TAPT1: variants seen among roughly 807,000 people sequenced by gnomAD.
TAPT1 encodes the protein transmembrane anterior posterior transformation protein 1 homolog.
Under a neutral mutation model 65.6 loss-of-function variants are expected in TAPT1, and 28 were observed. The ratio of observed to expected loss-of-function variants is 0.43; its 90% CI spans 0.32 to 0.59. The LOEUF (loss-of-function observed/expected upper bound fraction) is 0.59. Ranked by LOEUF, TAPT1 falls within the 20% of genes least tolerant of loss-of-function variation. The pLI is 0.09. For missense variants in TAPT1, 563 were observed against 679.9 expected (o/e 0.83, Z 1.91); for synonymous variants, 278 against 245.2 (o/e 1.13, Z -1.25).
At chr4:16,205,826 A>G (rs182226076) in intron 2 of TAPT1, among the ~76,000 whole-genome samples, 3 of 152,314 alleles carry the variant, frequency 2.0e-5, no homozygotes, top group Admixed American at 6.5e-5. Flanking sequence ...CGTTCAGTTC[A>G]TTGCTAAGGA....
rs1748142196 is a variant in TAPT1, at chr4:16,173,577, A to G, written c.1236+627T>C. ...AAAAAATACATACTTCTTGGGTATA[A>G]AAGCAGGAATTTTCATTGCAAAAAG... is the stretch of plus-strand genomic sequence containing the variant. On this transcript the variant is annotated intron_variant, in intron 11 of 13. Transcript: ENST00000405303. Among the ~76,000 whole-genome samples, 3 of 152,298 alleles carry G rather than the reference A, an allele frequency of 2.0e-5. No individual in the cohort carries two copies. The South Asian group carries it at 6.2e-4, about 32-fold the overall frequency.
chr4:16,220,606 G>C (rs377123158), intron 1 of TAPT1, among the ~76,000 whole-genome samples: 1 of 152,012 alleles, frequency 6.6e-6, no homozygotes, highest in African/African-American at 2.4e-5. Flanking sequence ...AAAATTTGCT[G>C]GGCATGGTGG....
intron 11 of TAPT1, 58 bp downstream of exon 11, chr4:16,174,146 T>C: frequency 3.2e-6 from 4 of 1,246,898 alleles, no homozygotes; most frequent in Non-Finnish European, 4.5e-6. Flanking sequence ...ATCCATTTAT[T>C]AATATTCTAT....
intron 7 of TAPT1, among the ~76,000 whole-genome samples, chr4:16,182,350 G>C (rs1328163630): frequency 2.0e-5 from 3 of 152,102 alleles, no homozygotes; most frequent in Non-Finnish European, 4.4e-5. Context: ...TCAGGGTTCG[G>C]ATTAGAACTG....
chr4:16,206,049 T>C (rs77913859), intron 2 of TAPT1, among the ~76,000 whole-genome samples: 2,210 of 152,258 alleles, frequency 0.015, 44 homozygotes, highest in African/African-American at 0.051. Flanking sequence ...AGGATATCAA[T>C]AAGAAAACTA....
intron 5 of TAPT1, 78 bp from the exon 6 acceptor site, chr4:16,186,956 T>C: frequency 1.3e-6 from 1 of 750,454 alleles, no homozygotes; most frequent in South Asian, 1.7e-5. Context: ...TGAAAGTGAA[T>C]AATAAAGATG....
At chr4:16,166,544 A>C in intron 13 of TAPT1, 89 bp downstream of exon 13, 1 of 1,510,576 alleles carries the variant, frequency 6.6e-7, no homozygotes, top group Non-Finnish European at 9.1e-7. Flanking sequence ...AAGGGAAACC[A>C]ATCTTTAAAG....
rs969446483 is a variant in TAPT1 at position 16,162,015 on chromosome 4, G to A, written c.*1293C>T. The A allele has an allele frequency of 6.6e-6, 1 of 152,140 alleles. No homozygotes were observed. Among genetic ancestry groups the A allele is most frequent in the South Asian group, 2.1e-4 (1 of 4,832 alleles). The allele number at this position is 152,140 out of a possible 1,614,324, so 9.4% of individuals were successfully genotyped here. On this transcript the variant is annotated 3_prime_UTR_variant, in exon 14 of 14. Transcript: ENST00000405303. ...CGGTTGTCAAGATAAAATGGGGTGGGAAATAACTTCTATGATATAGACCAC... is the reference window on the plus strand; with the variant it reads ...CGGTTGTCAAGATAAAATGGGGTGGAAAATAACTTCTATGATATAGACCAC...
chr4:16,202,104 C>T (rs184084530), intron 3 of TAPT1, among the ~76,000 whole-genome samples: 12 of 152,172 alleles, frequency 7.9e-5, no homozygotes, highest in African/African-American at 1.7e-4. Context: ...ATGATGCCTA[C>T]GAGGCCCAAG....
intron 7 of TAPT1, 145 bp from the exon 8 acceptor site, chr4:16,179,802 ATGTGTGTGTG>A (rs56086979): frequency 2.9e-5 from 9 of 309,912 alleles, no homozygotes; most frequent in East Asian, 1.1e-4. Context: ...ATATATATAT[ATGTGTGTGTG>A]TGTGTGTGTG....
In TAPT1 at chr4:16,191,427, G is replaced by T; in HGVS notation, c.546C>A (p.Ser182=). The T allele has an allele frequency of 6.3e-7, 1 of 1,592,858 alleles. No individual in the cohort carries two copies. The highest frequency in any genetic ancestry group is 1.3e-5 in the African/African-American group (1 of 74,634). The change falls in exon 4 of 14, where the codon TCC becomes TCA. Residue 182 remains serine (S), a synonymous_variant. Transcript: ENST00000405303. Reference sequence around the variant, plus strand: ...GCCCCCTTATCAGGTGGTACATCATGGAGTAGTCAACATAGTGCATCATAA... The same window carrying T: ...GCCCCCTTATCAGGTGGTACATCATTGAGTAGTCAACATAGTGCATCATAA... The part of the protein sequence containing the change: ...CYFMMHYVDY[S]MMYHLIRGQS...
intron 2 of TAPT1, among the ~76,000 whole-genome samples, chr4:16,208,198 G>T (rs1750455453): frequency 6.6e-6 from 1 of 152,140 alleles, no homozygotes; most frequent in Non-Finnish European, 1.5e-5. Context: ...TTTAATTGTA[G>T]AATTAAATTA....
intron 2 of TAPT1, among the ~76,000 whole-genome samples, chr4:16,210,128 T>C (rs1464376424): frequency 6.6e-6 from 1 of 152,120 alleles, no homozygotes; most frequent in Non-Finnish European, 1.5e-5. Context: ...ATGTTCTTCA[T>C]GAAAGAGATC....
intron 3 of TAPT1, chr4:16,196,575 T>G: frequency 6.4e-6 from 4 of 626,584 alleles, no homozygotes; most frequent in South Asian, 4.5e-5. Context: ...CTAATGGCTA[T>G]GTCTGCCTAT....
intron 7 of TAPT1, among the ~76,000 whole-genome samples, chr4:16,180,988 C>T (rs978095918): frequency 2.0e-5 from 3 of 152,152 alleles, no homozygotes; most frequent in Non-Finnish European, 4.4e-5. Context: ...GGAGCAAGGC[C>T]ATGTGGATTT....
In TAPT1 at chr4:16,226,342, C is replaced by T. The variant is rs2108908105; in HGVS notation, c.116G>A (p.Gly39Glu). 2 of 1,117,500 alleles carry T rather than the reference C, an allele frequency of 1.8e-6. No homozygotes were observed. Among genetic ancestry groups the T allele is most frequent in the African/African-American group, 1.7e-5 (1 of 60,150 alleles). The allele number at this position is 1,117,500 out of a possible 1,614,324, so 69.2% of individuals were successfully genotyped here. A position where few individuals can be genotyped will look rare whatever the true frequency, so the allele number is the denominator to read the frequency against. ...TGTGAGCTGAGGCGCCGGCGGGGGCCCCTGTCCGCCGCTGCCGCCCGGCTG... is the reference window on the plus strand; with the variant it reads ...TGTGAGCTGAGGCGCCGGCGGGGGCTCCTGTCCGCCGCTGCCGCCCGGCTG... ...AEQPGGSGGQ[G>E]PPPAPQLTET... Residue 39 changes from glycine to glutamate, a missense_variant, in exon 1 of 14, where the codon GGG (glycine) becomes GAG (glutamate). This residue lies in a region of TAPT1 where 103 missense variants were observed against 89.4 expected (regional missense o/e 1.15). Transcript: ENST00000405303.
At chr4:16,188,445 T>C (rs1578439468) in intron 4 of TAPT1, 90 bp from the exon 5 acceptor site, 1 of 1,109,468 alleles carries the variant, frequency 9.0e-7, no homozygotes, top group East Asian at 2.7e-5. Flanking sequence ...CCTGGAGATC[T>C]GTGTTTTAAA....
At chr4:16,218,756 T>G (rs368658336) in intron 1 of TAPT1, among the ~76,000 whole-genome samples, 1 of 152,246 alleles carries the variant, frequency 6.6e-6, no homozygotes, top group African/African-American at 2.4e-5. Flanking sequence ...CTACTTCATA[T>G]TAACTTCACA....
At chr4:16,181,967 T>A (rs773567912) in intron 7 of TAPT1, among the ~76,000 whole-genome samples, 29 of 152,200 alleles carry the variant, frequency 1.9e-4, no homozygotes, top group Non-Finnish European at 3.5e-4. Flanking sequence ...AGATGAAGGA[T>A]GTGAAGGATG....
Sources: allele counts gnomAD v4.1 joint callset (sites outside exome capture counted in the v4.1 genomes callset), GRCh38; gene constraint gnomAD v4.1.1; regional missense constraint gnomAD v4.1.1; transcripts MANE v1.5; gene names NCBI Gene and HGNC (gene_info 2026-07-23, HGNC 2026-07-21).